Variants in SVIL observed in about 807,000 individuals in gnomAD.
The protein encoded by SVIL is supervillin.
SVIL carries 101 observed loss-of-function variants against 240.4 expected under a neutral mutation model. The ratio of observed to expected loss-of-function variants is 0.42; its 90% CI spans 0.36 to 0.50. The LOEUF (loss-of-function observed/expected upper bound fraction) is 0.50, where lower values mean the gene tolerates loss of function less well. SVIL is among the 20% of genes least tolerant of loss of function. SVIL has a pLI of 0.01. For missense variants in SVIL, 2,512 were observed against 2,818.7 expected (o/e 0.89, Z 2.46); for synonymous variants, 999 against 1,100.0 (o/e 0.91, Z 1.82).
At chr10:29,609,493 C>G (rs944583182) in intron 1 of SVIL, among the ~76,000 whole-genome samples, 1 of 152,230 alleles carries the variant, frequency 6.6e-6, no homozygotes, top group Non-Finnish European at 1.5e-5. Context: ...CATGTCCCCC[C>G]ACTCACCACA....
intron 17 of SVIL, among the ~76,000 whole-genome samples, chr10:29,500,765 T>C (rs1948823014): frequency 6.6e-6 from 1 of 152,158 alleles, no homozygotes; most frequent in African/African-American, 2.4e-5. Context: ...AGGGAAGGAC[T>C]CGGAGAGCCC....
intron 36 of SVIL, among the ~76,000 whole-genome samples, chr10:29,461,819 G>A (rs575520786): frequency 3.3e-5 from 5 of 152,236 alleles, no homozygotes; most frequent in South Asian, 4.2e-4. Context: ...TAAGGGAGTC[G>A]CAGCACCTCC....
chr10:29,653,623 A>T (rs77628230), intron 3 of SVIL, among the ~76,000 whole-genome samples: 6,343 of 152,230 alleles, frequency 0.042, 211 homozygotes, highest in Admixed American at 0.096. Context: ...TCTTAAAAAA[A>T]TCCAATCCAA....
intron 2 of SVIL, among the ~76,000 whole-genome samples, chr10:29,677,349 G>T (rs1383522206): frequency 6.6e-6 from 1 of 152,110 alleles, no homozygotes; most frequent in Non-Finnish European, 1.5e-5. Context: ...CCAAACCAAA[G>T]AAAAAATTCT....
chr10:29,549,819 C>A (rs1953077241), intron 6 of SVIL, among the ~76,000 whole-genome samples: 1 of 127,060 alleles, frequency 7.9e-6, no homozygotes, highest in Non-Finnish European at 1.6e-5. Flanking sequence ...GGGAATTGAA[C>A]AATGAGAACA....
intron 6 of SVIL, among the ~76,000 whole-genome samples, chr10:29,546,743 T>C (rs1350245553): frequency 6.6e-6 from 1 of 152,212 alleles, no homozygotes; most frequent in Non-Finnish European, 1.5e-5. Context: ...GGTATATTCA[T>C]GAGTGTCATC....
chr10:29,477,972 C>CT (rs913324809), intron 29 of SVIL, among the ~76,000 whole-genome samples: 96 of 152,224 alleles, frequency 6.3e-4, no homozygotes, highest in African/African-American at 2.1e-3. Flanking sequence ...CTCACAATTA[C>CT]TTTTTTTTCT....
intron 32 of SVIL, 123 bp from the exon 33 acceptor site, chr10:29,467,998 A>G (rs1945119429): frequency 2.4e-5 from 26 of 1,102,016 alleles, no homozygotes; most frequent in Non-Finnish European, 3.4e-5. Flanking sequence ...CACATGTCAT[A>G]AAATTCACTC....
At chr10:29,661,996 C>A (rs1959168361) in intron 2 of SVIL, among the ~76,000 whole-genome samples, 2 of 152,104 alleles carry the variant, frequency 1.3e-5, no homozygotes, top group Non-Finnish European at 2.9e-5. Flanking sequence ...TACCAAACTA[C>A]TAGAGTAGCA....
At chr10:29,672,286 AC>A (rs1473979252) in intron 2 of SVIL, among the ~76,000 whole-genome samples, 1 of 152,180 alleles carries the variant, frequency 6.6e-6, no homozygotes, top group Non-Finnish European at 1.5e-5. Flanking sequence ...AAAACCTGAA[AC>A]ATTTATAATA....
At chr10:29,474,653 G>A (rs1588872080) in intron 29 of SVIL, among the ~76,000 whole-genome samples, 1 of 151,612 alleles carries the variant, frequency 6.6e-6, no homozygotes, top group African/African-American at 2.4e-5. Context: ...AAAGTATTTG[G>A]TGACCGCCAG....
At chr10:29,729,711 G>A (rs1040404683) in intron 1 of SVIL, among the ~76,000 whole-genome samples, 6 of 123,462 alleles carry the variant, frequency 4.9e-5, no homozygotes, top group Non-Finnish European at 6.8e-5. Flanking sequence ...GCACGCACCT[G>A]TAGTTCCAGC....
intron 6 of SVIL, among the ~76,000 whole-genome samples, chr10:29,549,858 T>A (rs1589215521): frequency 9.6e-6 from 1 of 104,052 alleles, no homozygotes; most frequent in African/African-American, 3.9e-5. Flanking sequence ...AACATCACAC[T>A]CTGGGGACTG....
chr10:29,539,423 A>G (rs1951982112), intron 6 of SVIL, among the ~76,000 whole-genome samples: 1 of 152,180 alleles, frequency 6.6e-6, no homozygotes, highest in Non-Finnish European at 1.5e-5. Flanking sequence ...TCTTTAGTAC[A>G]TTTAAAGCAG....
At chr10:29,555,338 ACACACATG>A (rs1020574814) in intron 3 of SVIL, among the ~76,000 whole-genome samples, 14 of 137,764 alleles carry the variant, frequency 1.0e-4, no homozygotes, top group Admixed American at 3.1e-4. Flanking sequence ...ACACACACAC[ACACACATG>A]GACACACCCT....
At chr10:29,557,027 G>C (rs1302854009) in intron 3 of SVIL, among the ~76,000 whole-genome samples, 3 of 152,002 alleles carry the variant, frequency 2.0e-5, no homozygotes, top group African/African-American at 7.2e-5. Context: ...AATATTAATA[G>C]GGTCCTGAGT....
At chr10:29,533,542 G>A (rs1951531253) in intron 7 of SVIL, 84 bp from the exon 8 acceptor site, 1 of 1,491,560 alleles carries the variant, frequency 6.7e-7, no homozygotes, top group South Asian at 1.4e-5. Context: ...CAGATTACCA[G>A]TGAATGGAAA....
intron 16 of SVIL, among the ~76,000 whole-genome samples, chr10:29,517,032 T>G (rs1950248670): frequency 6.6e-6 from 1 of 152,170 alleles, no homozygotes; most frequent in African/African-American, 2.4e-5. Context: ...ACTTAAGTAC[T>G]TATATTAGAT....
At chr10:29,711,142 G>A (rs1283543505) in intron 1 of SVIL, among the ~76,000 whole-genome samples, 1 of 152,250 alleles carries the variant, frequency 6.6e-6, no homozygotes, top group African/African-American at 2.4e-5. Flanking sequence ...ACTCATGCCT[G>A]TAATCCCAGC....
Sources: allele counts gnomAD v4.1 joint callset (sites outside exome capture counted in the v4.1 genomes callset), GRCh38; gene constraint gnomAD v4.1.1; transcripts MANE v1.5; gene names NCBI Gene and HGNC (gene_info 2026-07-23, HGNC 2026-07-21).